The following DPP6 variants were observed in gnomAD, a reference collection of about 807,000 sequenced individuals.
DPP6 encodes A-type potassium channel modulatory protein DPP6.
In DPP6, 69 loss-of-function variants were observed where a neutral mutation model predicts 122.6. The observed-to-expected ratio is 0.56, with a 90% CI of 0.46 to 0.69. The LOEUF (loss-of-function observed/expected upper bound fraction) is 0.69. Ranked by LOEUF, DPP6 falls within the 30% of genes least tolerant of loss-of-function variation. The pLI is 0.00. For synonymous variants in DPP6, 418 were observed against 433.1 expected, an observed-to-expected ratio of 0.97 and a Z score of 0.43; for missense variants, 928 against 1,116.9, an observed-to-expected ratio of 0.83 and a Z score of 2.41.
chr7:153,920,564 T>TC (rs1800590591), intron 1 of DPP6, among the ~76,000 whole-genome samples: 1 of 29,326 alleles, frequency 3.4e-5, no homozygotes, highest in Non-Finnish European at 6.6e-5. Flanking sequence ...TATCTCTCTC[T>TC]TTTTTTTTTT....
At chr7:154,587,659 G>A (rs755922918) in intron 5 of DPP6, 5 of 1,546,810 alleles carry the variant, frequency 3.2e-6, no homozygotes. Flanking sequence ...GATGAAGAAA[G>A]TGAAGTCCAG....
At chr7:154,501,059 G>A (rs1825195782) in intron 3 of DPP6, among the ~76,000 whole-genome samples, 1 of 152,194 alleles carries the variant, frequency 6.6e-6, no homozygotes, top group Non-Finnish European at 1.5e-5. Context: ...AATGAGACTG[G>A]TGGCATTTTG....
At chr7:154,281,841 C>T (rs1438077585) in intron 1 of DPP6, among the ~76,000 whole-genome samples, 1 of 152,172 alleles carries the variant, frequency 6.6e-6, no homozygotes, top group East Asian at 1.9e-4. Context: ...TTCTCTGATG[C>T]AGTAGACTGC....
chr7:154,290,949 A>G (rs1358768412), intron 1 of DPP6, among the ~76,000 whole-genome samples: 3 of 152,238 alleles, frequency 2.0e-5, no homozygotes, highest in African/African-American at 7.2e-5. Context: ...TAGATGTTCA[A>G]TAAAAATTAA....
chr7:154,164,260 C>G (rs1797129877), intron 1 of DPP6, among the ~76,000 whole-genome samples: 1 of 122,320 alleles, frequency 8.2e-6, no homozygotes, highest in Non-Finnish European at 1.6e-5. Context: ...CCTTCTCTTT[C>G]CCTCTCTCCC....
At chr7:154,662,406 A>C (rs1422230221) in intron 6 of DPP6, among the ~76,000 whole-genome samples, 1 of 130,854 alleles carries the variant, frequency 7.6e-6, no homozygotes, top group African/African-American at 2.7e-5. Context: ...AGTCATGTGA[A>C]TCACCATGGC....
chr7:154,574,622 GTGTGGT>G (rs1264945069), intron 5 of DPP6, among the ~76,000 whole-genome samples: 5 of 81,164 alleles, frequency 6.2e-5, no homozygotes, highest in South Asian at 3.8e-4. Context: ...GGGTGTATGT[GTGTGGT>G]GTGTGTGTGT....
chr7:154,262,755 G>A (rs1803118412), intron 1 of DPP6, among the ~76,000 whole-genome samples: 1 of 151,854 alleles, frequency 6.6e-6, no homozygotes, highest in Admixed American at 6.6e-5. Flanking sequence ...ATATTTGTAG[G>A]CAATAATGCA....
the DPP6 span, among the ~76,000 whole-genome samples, chr7:153,823,198 T>C: frequency 0.053 from 7,964 of 151,652 alleles, 662 homozygotes; most frequent in African/African-American, 0.18. Context: ...TGGATTTCAG[T>C]GAAAATGTAT....
At chr7:154,562,349 CAT>C (rs1397099367) in intron 4 of DPP6, among the ~76,000 whole-genome samples, 6 of 152,042 alleles carry the variant, frequency 3.9e-5, no homozygotes, top group African/African-American at 1.4e-4. Flanking sequence ...AGCAAAATAA[CAT>C]AATCATCTCA....
chr7:153,989,958 C>A (rs1411649579), intron 1 of DPP6, among the ~76,000 whole-genome samples: 1 of 142,722 alleles, frequency 7.0e-6, no homozygotes, highest in African/African-American at 2.6e-5. Flanking sequence ...AGCCCCACCC[C>A]TAAGAGCCAC....
At chr7:154,135,019 T>A (rs547879933) in intron 1 of DPP6, among the ~76,000 whole-genome samples, 125 of 152,214 alleles carry the variant, frequency 8.2e-4, no homozygotes, top group Middle Eastern at 3.4e-3. Flanking sequence ...ACACTTCCTG[T>A]GAGCCCATAC....
intron 1 of DPP6, among the ~76,000 whole-genome samples, chr7:153,984,581 C>G (rs1166173458): frequency 4.6e-5 from 7 of 151,774 alleles, no homozygotes; most frequent in Admixed American, 3.9e-4. Flanking sequence ...AAAATGAATC[C>G]TATGGAAATA....
chr7:154,776,941 C>T (rs1204842556), intron 10 of DPP6, among the ~76,000 whole-genome samples: 2 of 152,176 alleles, frequency 1.3e-5, no homozygotes, highest in African/African-American at 4.8e-5. Flanking sequence ...AGCTCACGAA[C>T]CAAGAGGAAG....
chr7:154,312,307 A>G (rs1585901769), intron 1 of DPP6, among the ~76,000 whole-genome samples: 1 of 152,332 alleles, frequency 6.6e-6, no homozygotes, highest in East Asian at 1.9e-4. Flanking sequence ...ACAGGCATGG[A>G]GTCAGTGCTG....
chr7:154,287,260 A>G (rs1162795983), intron 1 of DPP6, among the ~76,000 whole-genome samples: 2 of 152,200 alleles, frequency 1.3e-5, no homozygotes, highest in Admixed American at 1.3e-4. Flanking sequence ...TTCACATGTG[A>G]CCATGTTTAA....
At chr7:154,538,643 G>C (rs528057576) in intron 3 of DPP6, among the ~76,000 whole-genome samples, 27 of 152,130 alleles carry the variant, frequency 1.8e-4, no homozygotes, top group Non-Finnish European at 4.0e-4. Flanking sequence ...GGGAGATAAG[G>C]TGACAATCAA....
intron 6 of DPP6, among the ~76,000 whole-genome samples, chr7:154,645,576 G>C (rs73491508): frequency 0.14 from 21,430 of 152,044 alleles, 1,704 homozygotes; most frequent in African/African-American, 0.22. Flanking sequence ...CCCAGTCTTC[G>C]TTTCTACTTG....
At chr7:153,817,806 A>T in the DPP6 span, among the ~76,000 whole-genome samples, 6 of 150,906 alleles carry the variant, frequency 4.0e-5, no homozygotes, top group South Asian at 2.1e-4. Context: ...TAGGAGATAT[A>T]CCTAATGCTA....
Sources: allele counts gnomAD v4.1 joint callset (sites outside exome capture counted in the v4.1 genomes callset), GRCh38; gene constraint gnomAD v4.1.1; transcripts MANE v1.5; gene names NCBI Gene and HGNC (gene_info 2026-07-23, HGNC 2026-07-21).